KCNB2: variants seen among roughly 807,000 people sequenced by gnomAD.
KCNB2 encodes delayed rectifier potassium channel protein.
A neutral mutation model predicts 61.5 loss-of-function variants in KCNB2; 15 were observed. That is an observed-to-expected ratio of 0.24 (90% CI 0.16 to 0.38). KCNB2 has a LOEUF of 0.38. KCNB2 is among the 10% of genes least tolerant of loss of function. The pLI is 1.00. For missense variants in KCNB2, 828 were observed against 1,125.2 expected (o/e 0.74, Z 3.78); for synonymous variants, 457 against 446.0 (o/e 1.02, Z -0.31).
intron 2 of KCNB2, among the ~76,000 whole-genome samples, chr8:72,598,457 A>T (rs1807235774): frequency 6.6e-6 from 1 of 152,218 alleles, no homozygotes; most frequent in Non-Finnish European, 1.5e-5. Context: ...ATCTCAAAAT[A>T]ATAAGAGCTA....
chr8:72,572,597 A>T (rs1439704562), intron 2 of KCNB2, among the ~76,000 whole-genome samples: 1 of 151,430 alleles, frequency 6.6e-6, no homozygotes, highest in East Asian at 1.9e-4. Context: ...TCACACAGAC[A>T]CACACAGACA....
chr8:72,918,903 G>T (rs1806450655), intron 2 of KCNB2, among the ~76,000 whole-genome samples: 1 of 152,170 alleles, frequency 6.6e-6, no homozygotes, highest in Non-Finnish European at 1.5e-5. Context: ...AACTAGTCTG[G>T]CATTTAGAAA....
intron 2 of KCNB2, among the ~76,000 whole-genome samples, chr8:72,918,405 G>T (rs1216262762): frequency 6.6e-6 from 1 of 152,138 alleles, no homozygotes; most frequent in East Asian, 1.9e-4. Context: ...TATTTATGTA[G>T]AAAGCTTAGA....
intron 2 of KCNB2, among the ~76,000 whole-genome samples, chr8:72,912,790 T>C (rs1025139991): frequency 6.6e-6 from 1 of 152,116 alleles, no homozygotes; most frequent in Non-Finnish European, 1.5e-5. Flanking sequence ...GGCTGCATAC[T>C]TAACTGTTAC....
intron 2 of KCNB2, among the ~76,000 whole-genome samples, chr8:72,657,495 A>T (rs569632440): frequency 6.6e-6 from 1 of 152,304 alleles, no homozygotes; most frequent in Admixed American, 6.5e-5. Flanking sequence ...CGTTATGGAG[A>T]AGTTGTTAAA....
chr8:72,813,309 G>T (rs1809335390), intron 2 of KCNB2, among the ~76,000 whole-genome samples: 1 of 151,710 alleles, frequency 6.6e-6, no homozygotes, highest in African/African-American at 2.4e-5. Flanking sequence ...TGCTGCTGAA[G>T]TTCCTGTTGT....
chr8:72,933,132 A>G (rs1806825206), intron 2 of KCNB2, among the ~76,000 whole-genome samples: 2 of 152,216 alleles, frequency 1.3e-5, no homozygotes, highest in Non-Finnish European at 2.9e-5. Context: ...TTTAGTAACT[A>G]TTTGTCTTCA....
intron 2 of KCNB2, among the ~76,000 whole-genome samples, chr8:72,920,477 A>ATATATATATATGTGTGTG (rs1806499814): frequency 2.7e-5 from 1 of 37,700 alleles, no homozygotes; most frequent in Non-Finnish European, 7.8e-5. Context: ...ATCTATCTAT[A>ATATATATATATGTGTGTG]TATATATATA....
At chr8:72,900,251 C>G (rs756389400) in intron 2 of KCNB2, among the ~76,000 whole-genome samples, 1 of 152,132 alleles carries the variant, frequency 6.6e-6, no homozygotes, top group Non-Finnish European at 1.5e-5. Flanking sequence ...AAGGAAAGAA[C>G]TCCCTATTCA....
intron 1 of KCNB2, among the ~76,000 whole-genome samples, chr8:72,541,746 G>T (rs112628671): frequency 1.3e-5 from 2 of 152,080 alleles, no homozygotes; most frequent in Non-Finnish European, 2.9e-5. Context: ...TAACACATTA[G>T]AAACTACTAG....
chr8:72,694,764 T>G (rs995375478), intron 2 of KCNB2, among the ~76,000 whole-genome samples: 1 of 151,976 alleles, frequency 6.6e-6, no homozygotes, highest in African/African-American at 2.4e-5. Flanking sequence ...TTAGAGCATC[T>G]GTATGGCCAT....
intron 2 of KCNB2, among the ~76,000 whole-genome samples, chr8:72,761,189 T>G (rs1432565606): frequency 6.6e-6 from 1 of 152,152 alleles, no homozygotes; most frequent in African/African-American, 2.4e-5. Context: ...AGAGGTGTAC[T>G]CGGAGGAGAT....
intron 2 of KCNB2, among the ~76,000 whole-genome samples, chr8:72,641,198 G>A (rs1015845849): frequency 1.3e-5 from 2 of 152,062 alleles, no homozygotes; most frequent in South Asian, 4.2e-4. Flanking sequence ...GCTTTAATTT[G>A]GGAATGATTA....
At chr8:72,857,735 A>G (rs1460404988) in intron 2 of KCNB2, among the ~76,000 whole-genome samples, 2 of 152,206 alleles carry the variant, frequency 1.3e-5, no homozygotes, top group East Asian at 3.8e-4. Flanking sequence ...CATTTGAACC[A>G]ATGATCATGA....
intron 2 of KCNB2, among the ~76,000 whole-genome samples, chr8:72,712,116 T>C (rs908324920): frequency 6.6e-6 from 1 of 152,252 alleles, no homozygotes; most frequent in Non-Finnish European, 1.5e-5. Context: ...ATGACCACTT[T>C]CTATAAAAGA....
intron 2 of KCNB2, among the ~76,000 whole-genome samples, chr8:72,587,087 G>C (rs897688300): frequency 6.6e-6 from 1 of 152,170 alleles, no homozygotes; most frequent in Admixed American, 6.5e-5. Flanking sequence ...CAGTTCTTGA[G>C]ATTTTTTTCC....
At chr8:72,663,941 A>G (rs1374092000) in intron 2 of KCNB2, among the ~76,000 whole-genome samples, 4 of 152,326 alleles carry the variant, frequency 2.6e-5, no homozygotes, top group South Asian at 2.1e-4. Context: ...GCCTCTTTCC[A>G]TAAATAAATG....
At chr8:72,866,832 CA>C (rs1805529641) in intron 2 of KCNB2, among the ~76,000 whole-genome samples, 1 of 152,136 alleles carries the variant, frequency 6.6e-6, no homozygotes, top group Non-Finnish European at 1.5e-5. Flanking sequence ...TAGGGACTCC[CA>C]ATTAAATTAA....
At chr8:72,916,408 G>A (rs796536690) in intron 2 of KCNB2, among the ~76,000 whole-genome samples, 41 of 152,170 alleles carry the variant, frequency 2.7e-4, no homozygotes, top group Middle Eastern at 3.4e-3. Flanking sequence ...CTCACGGGAC[G>A]GGGAGCACAG....
Sources: allele counts gnomAD v4.1 joint callset (sites outside exome capture counted in the v4.1 genomes callset), GRCh38; gene constraint gnomAD v4.1.1; transcripts MANE v1.5; gene names NCBI Gene and HGNC (gene_info 2026-07-23, HGNC 2026-07-21).